PUDP: variants seen among roughly 807,000 people sequenced by gnomAD.
The protein encoded by PUDP is pseudouridine-5'-phosphatase.
A neutral mutation model predicts 9.4 loss-of-function variants in PUDP; 8 were observed. That is an observed-to-expected ratio of 0.85 (90% CI 0.50 to 1.53). The LOEUF (loss-of-function observed/expected upper bound fraction) is 1.53. PUDP is among the 40% of genes most tolerant of loss of function. The pLI is 0.00. For missense variants in PUDP, 188 were observed against 189.7 expected, an observed-to-expected ratio of 0.99 and a Z score of 0.05; for synonymous variants, 99 against 80.7, an observed-to-expected ratio of 1.23 and a Z score of -1.22.
chrX:6,957,694 T>C lies in PUDP; in HGVS notation c.*247+19439A>G, dbSNP rs984710270. Among the ~76,000 whole-genome samples, 7 of 112,130 alleles carry C rather than the reference T, an allele frequency of 6.2e-5. No homozygotes were observed. The South Asian group carries it at 1.1e-3, about 18-fold the overall frequency. ...AGTGGCTCGGGAACTAGGTAATAAG[T>C]AGAGGCGGAAAGAATTTGGAAGAGC... On this transcript the variant is annotated intron_variant and NMD_transcript_variant, in intron 3 of 3. Coordinates refer to the PUDP transcript ENST00000655425.
At chrX:7,023,230 T>C (rs780853339) in intron 1 of PUDP, among the ~76,000 whole-genome samples, 1 of 111,952 alleles carries the variant, frequency 8.9e-6, no homozygotes, top group Non-Finnish European at 1.9e-5. Flanking sequence ...TAACCCAAAC[T>C]GAGCAGATCG....
intron 3 of PUDP, among the ~76,000 whole-genome samples, chrX:6,778,546 A>G (rs1333733729): frequency 1.8e-5 from 2 of 112,495 alleles, no homozygotes; most frequent in African/African-American, 6.5e-5. Context: ...TCCCTGCAAG[A>G]CACGGGATGT....
rs777002967 is a variant in PUDP, at chrX:6,807,164, G to C, written c.*248-100698C>G. ...TTAAAGAAGGTTGTTGTTATTTTTTGACTGTTTGTTTGCTTTTGGGTTGCT... is the reference window on the plus strand; with the variant it reads ...TTAAAGAAGGTTGTTGTTATTTTTTCACTGTTTGTTTGCTTTTGGGTTGCT... On this transcript the variant is annotated intron_variant and NMD_transcript_variant, in intron 3 of 3. Transcript: ENST00000655425. 7.0e-4 allele frequency among the ~76,000 whole-genome samples: 79 copies of C among 112,243 alleles called. 1 individual carries two copies. Among genetic ancestry groups the C allele is most frequent in the Non-Finnish European group, 1.4e-3 (74 of 53,252 alleles).
intron 3 of PUDP, among the ~76,000 whole-genome samples, chrX:6,871,480 G>A (rs1927174302): frequency 8.9e-6 from 1 of 111,884 alleles, no homozygotes; most frequent in Non-Finnish European, 1.9e-5. Flanking sequence ...CACTCCTTTT[G>A]AAGGATGTCA....
intron 3 of PUDP, among the ~76,000 whole-genome samples, chrX:6,800,312 A>G (rs1161106303): frequency 8.9e-6 from 1 of 112,092 alleles, no homozygotes; most frequent in Non-Finnish European, 1.9e-5. Context: ...CCAAACTGCC[A>G]TAAATCTGCA....
intron 2 of PUDP, chrX:7,084,679 T>G (rs1314625643): frequency 9.0e-6 from 1 of 110,563 alleles, no homozygotes; most frequent in Admixed American, 9.5e-5. Context: ...AATGGACAAT[T>G]AAGGCAAAGG....
intron 3 of PUDP, among the ~76,000 whole-genome samples, chrX:6,837,096 C>T (rs1026152860): frequency 2.3e-4 from 26 of 112,348 alleles, no homozygotes; most frequent in African/African-American, 8.1e-4. Context: ...GTCCTTGTTT[C>T]AACAGGAACA....
At chrX:6,939,124 TC>T (rs1928359207) in intron 3 of PUDP, among the ~76,000 whole-genome samples, 1 of 110,264 alleles carries the variant, frequency 9.1e-6, no homozygotes. Context: ...GTGGAGGAAA[TC>T]CAATTGCTTT....
At chrX:6,932,141 G>A (rs1213363879) in intron 3 of PUDP, among the ~76,000 whole-genome samples, 2 of 111,382 alleles carry the variant, frequency 1.8e-5, no homozygotes, top group African/African-American at 6.5e-5. Flanking sequence ...AACCCTGCCT[G>A]TCTTTGGTAT....
At chrX:6,805,708 G>C (rs948517607) in intron 3 of PUDP, among the ~76,000 whole-genome samples, 7 of 108,193 alleles carry the variant, frequency 6.5e-5, no homozygotes, top group Non-Finnish European at 1.1e-4. Flanking sequence ...TTTAGAGATG[G>C]GGTCTTGCTA....
At chrX:7,055,894 T>C (rs897232393) in intron 3 of PUDP, among the ~76,000 whole-genome samples, 3 of 112,131 alleles carry the variant, frequency 2.7e-5, no homozygotes, top group Non-Finnish European at 3.8e-5. Flanking sequence ...ACAGTTTCCG[T>C]CTGCCACACC....
intron 1 of PUDP, among the ~76,000 whole-genome samples, chrX:7,013,711 C>G (rs954893144): frequency 8.9e-6 from 1 of 112,271 alleles, no homozygotes; most frequent in African/African-American, 3.2e-5. Context: ...ATGGAGCACA[C>G]AGATGGGCAG....
At chrX:7,032,623 G>T (rs1346006170) in intron 1 of PUDP, among the ~76,000 whole-genome samples, 3 of 112,157 alleles carry the variant, frequency 2.7e-5, no homozygotes, top group Non-Finnish European at 5.6e-5. Flanking sequence ...ATACAAAATA[G>T]AATATGTTGC....
intron 3 of PUDP, among the ~76,000 whole-genome samples, chrX:6,750,904 C>G (rs1265933723): frequency 9.0e-6 from 1 of 111,201 alleles, no homozygotes; most frequent in Non-Finnish European, 1.9e-5. Context: ...CTTTGGGAGG[C>G]CGAGGCGGGC....
At chrX:6,877,301 T>C (rs1479484202) in intron 3 of PUDP, among the ~76,000 whole-genome samples, 1 of 111,199 alleles carries the variant, frequency 9.0e-6, no homozygotes, top group Non-Finnish European at 1.9e-5. Flanking sequence ...TTGGGTCTTC[T>C]TTCAGAGGAC....
intron 1 of PUDP, among the ~76,000 whole-genome samples, chrX:7,029,877 G>A: frequency 9.0e-6 from 1 of 111,259 alleles, no homozygotes; most frequent in Non-Finnish European, 1.9e-5. Flanking sequence ...GATTAATTTT[G>A]AGGCATTGAG....
At chrX:6,797,402 T>C (rs1279490105) in intron 3 of PUDP, among the ~76,000 whole-genome samples, 6 of 111,375 alleles carry the variant, frequency 5.4e-5, no homozygotes, top group African/African-American at 2.0e-4. Context: ...AATATTATTA[T>C]TTGCATAGTA....
chrX:7,093,998 A>G (rs180787494), intron 2 of PUDP, among the ~76,000 whole-genome samples: 1 of 111,027 alleles, frequency 9.0e-6, no homozygotes, highest in Admixed American at 9.6e-5. Flanking sequence ...AGTGTCAGCT[A>G]CTTGAGAGGC....
chrX:6,973,607 G>A (rs776583811), intron 3 of PUDP, among the ~76,000 whole-genome samples: 2 of 110,749 alleles, frequency 1.8e-5, no homozygotes, highest in Admixed American at 9.7e-5. Context: ...TTGCATTTGC[G>A]AAGTGTTTTA....
Sources: gnomAD v4.1 joint callset for allele counts (sites outside exome capture counted in the v4.1 genomes callset) on GRCh38, gnomAD v4.1.1 for gene constraint, MANE v1.5 for transcripts, NCBI Gene and HGNC (gene_info 2026-07-23, HGNC 2026-07-21) for gene names.